The following XKR9 variants were observed in gnomAD, a reference collection of about 807,000 sequenced individuals.
The protein encoded by XKR9 is XK related 9.
A neutral mutation model predicts 32.0 loss-of-function variants in XKR9; 32 were observed. The ratio of observed to expected loss-of-function variants is 1.00; its 90% confidence interval spans 0.76 to 1.34. The LOEUF (loss-of-function observed/expected upper bound fraction) is 1.34. XKR9 is among the 40% of genes most tolerant of loss of function. The pLI is 0.00. For synonymous variants in XKR9, 168 were observed against 143.4 expected, an observed-to-expected ratio of 1.17 and a Z score of -1.22; for missense variants, 546 against 429.7, an observed-to-expected ratio of 1.27 and a Z score of -2.39.
In XKR9 at chr8:70,734,347, G is replaced by T. The variant is rs768138534; in HGVS notation, c.1045G>T (p.Ala349Ser). 34 of 1,611,272 alleles carry T rather than the reference G, an allele frequency of 2.1e-5. No individual in the cohort carries two copies. The highest frequency in any genetic ancestry group is 2.9e-5 in the Non-Finnish European group (34 of 1,179,440). ...TGGGAGTTTTCACCCAAACAGAAGTGCAGAAACAAAATGTGATGAAATTGA... is the reference window on the plus strand; with the variant it reads ...TGGGAGTTTTCACCCAAACAGAAGTTCAGAAACAAAATGTGATGAAATTGA... ...YYGSFHPNRSAETKCDEIDGK... is the reference protein window; with the variant it reads ...YYGSFHPNRSSETKCDEIDGK... Residue 349 changes from alanine to serine, a missense_variant, in exon 5 of 5, where the codon GCA becomes TCA. By Grantham distance (99) the Ala-to-Ser change is moderately conservative (BLOSUM62 1). Coordinates refer to ENST00000408926, the MANE Select transcript of XKR9 (RefSeq NM_001011720.2).
At chr8:70,993,567 A>G in the XKR9 span, among the ~76,000 whole-genome samples, 1 of 151,340 alleles carries the variant, frequency 6.6e-6, no homozygotes, top group East Asian at 1.9e-4. Flanking sequence ...TCCTTACTCT[A>G]CTAAGGATGA....
intron 1 of XKR9, among the ~76,000 whole-genome samples, chr8:70,670,233 C>T (rs1818665858): frequency 6.6e-6 from 1 of 152,144 alleles, no homozygotes; most frequent in Non-Finnish European, 1.5e-5. Context: ...CCTCTGCCTG[C>T]CAGTGTTACC....
chr8:71,015,706 A>G, the XKR9 span, among the ~76,000 whole-genome samples: 6 of 152,146 alleles, frequency 3.9e-5, no homozygotes, highest in African/African-American at 1.4e-4. Flanking sequence ...ATGCACAGAG[A>G]TGATCTTTAA....
At chr8:70,822,737 C>A in the XKR9 span, among the ~76,000 whole-genome samples, 30 of 151,878 alleles carry the variant, frequency 2.0e-4, no homozygotes, top group Middle Eastern at 3.4e-3. Flanking sequence ...CATCTCTGCC[C>A]CCAACCCCAG....
the XKR9 span, among the ~76,000 whole-genome samples, chr8:71,032,062 G>A: frequency 6.6e-6 from 1 of 152,272 alleles, no homozygotes; most frequent in East Asian, 1.9e-4. Flanking sequence ...GGCAGGCTGA[G>A]GTGGGTGGAT....
the XKR9 span, among the ~76,000 whole-genome samples, chr8:70,988,109 G>A: frequency 5.3e-5 from 8 of 152,088 alleles, no homozygotes; most frequent in African/African-American, 1.7e-4. Context: ...TGGGCCTCCA[G>A]GCCTGTGATG....
At chr8:70,798,840 T>C in the XKR9 span, among the ~76,000 whole-genome samples, 1 of 152,170 alleles carries the variant, frequency 6.6e-6, no homozygotes, top group South Asian at 2.1e-4. Flanking sequence ...TTGACTTTGT[T>C]GAATATAAGA....
the XKR9 span, among the ~76,000 whole-genome samples, chr8:70,841,794 G>A: frequency 5.8e-4 from 88 of 152,196 alleles, 1 homozygote; most frequent in African/African-American, 2.0e-3. Context: ...GACACATAAG[G>A]TCAATTTTCC....
chr8:70,803,714 T>C, the XKR9 span, among the ~76,000 whole-genome samples: 2 of 152,224 alleles, frequency 1.3e-5, no homozygotes, highest in African/African-American at 4.8e-5. Flanking sequence ...AGGAGCATCC[T>C]TTGATAGCTG....
chr8:70,735,986 G>A (rs1462277399), downstream of XKR9: 1 of 152,040 alleles, frequency 6.6e-6, no homozygotes, highest in East Asian at 1.9e-4. Flanking sequence ...CCCAGTAATG[G>A]GATGGCTGGG....
chr8:70,845,675 A>G, the XKR9 span, among the ~76,000 whole-genome samples: 1 of 152,176 alleles, frequency 6.6e-6, no homozygotes, highest in Non-Finnish European at 1.5e-5. Context: ...TCAACAATAG[A>G]CTAGAGCAAA....
the XKR9 span, among the ~76,000 whole-genome samples, chr8:70,898,775 A>G: frequency 8.5e-5 from 13 of 152,096 alleles, no homozygotes; most frequent in Admixed American, 6.5e-4. Flanking sequence ...ATAATTTACA[A>G]TGGATATTTT....
At chr8:70,967,465 G>A in the XKR9 span, among the ~76,000 whole-genome samples, 15 of 152,114 alleles carry the variant, frequency 9.9e-5, no homozygotes, top group Non-Finnish European at 1.9e-4. Flanking sequence ...GTGTGGATAC[G>A]ATCCTGTCAT....
chr8:70,947,933 G>A, the XKR9 span, among the ~76,000 whole-genome samples: 7 of 152,180 alleles, frequency 4.6e-5, no homozygotes, highest in African/African-American at 1.7e-4. Flanking sequence ...TTATGATTTA[G>A]TAGGAGCATG....
Sources: allele counts gnomAD v4.1 joint callset (sites outside exome capture counted in the v4.1 genomes callset), GRCh38; gene constraint gnomAD v4.1.1; transcripts MANE v1.5; gene names NCBI Gene and HGNC (gene_info 2026-07-23, HGNC 2026-07-21).